The following ADAMTS12 variants were observed in gnomAD, a reference collection of about 807,000 sequenced individuals.
The protein encoded by ADAMTS12 is ADAM metallopeptidase with thrombospondin type 1 motif 12.
A neutral mutation model predicts 167.8 loss-of-function variants in ADAMTS12; 118 were observed. That is an observed-to-expected ratio of 0.70 (90% confidence interval 0.61 to 0.82). The LOEUF is 0.82. ADAMTS12 is among the 40% of genes least tolerant of loss of function. The pLI is 0.00. For synonymous variants in ADAMTS12, 704 were observed against 716.9 expected (o/e 0.98, Z 0.29); for missense variants, 1,916 against 1,998.8 (o/e 0.96, Z 0.79).
intron 2 of ADAMTS12, among the ~76,000 whole-genome samples, chr5:33,863,883 G>T (rs1425947815): frequency 2.0e-5 from 3 of 152,040 alleles, no homozygotes; most frequent in Non-Finnish European, 4.4e-5. Context: ...TGGAACAGAG[G>T]CCTCAGAAAT....
At chr5:33,700,991 C>T (rs1243226051) in intron 3 of ADAMTS12, among the ~76,000 whole-genome samples, 1 of 152,150 alleles carries the variant, frequency 6.6e-6, no homozygotes, top group African/African-American at 2.4e-5. Context: ...GACAGCCCTT[C>T]TGAACTCCAG....
chr5:33,872,437 C>T (rs1269786188), intron 2 of ADAMTS12, among the ~76,000 whole-genome samples: 1 of 151,842 alleles, frequency 6.6e-6, no homozygotes, highest in African/African-American at 2.4e-5. Flanking sequence ...GTCCCAGCTA[C>T]TGGGGAGGCT....
At chr5:33,655,874 T>A (rs1355930635) in intron 7 of ADAMTS12, among the ~76,000 whole-genome samples, 1 of 152,048 alleles carries the variant, frequency 6.6e-6, no homozygotes, top group African/African-American at 2.4e-5. Context: ...GTTCTCACTG[T>A]TCAACTCCCA....
chr5:33,535,173 C>G (rs1233522948), intron 22 of ADAMTS12, among the ~76,000 whole-genome samples, 181 bp from the exon 23 acceptor site: 4 of 152,208 alleles, frequency 2.6e-5, no homozygotes, highest in Non-Finnish European at 4.4e-5. Context: ...TAGAGAGACT[C>G]TATACTATAG....
At position 33,701,564 on chromosome 5, in the gene ADAMTS12, A is replaced by G. The variant is rs148828960; in HGVS notation, c.635-17509T>C. On this transcript the variant is annotated intron_variant, in intron 3 of 23. Transcript: ENST00000504830. The stretch of plus-strand genomic sequence containing the variant: ...AATACGAAGTTACTCAAATCCTAAC[A>G]TCTAGAATTACTGAGAAGTTCTCTT... Among the ~76,000 whole-genome samples the G allele has an allele frequency of 1.3e-3, 194 of 152,332 alleles. 1 individual carries two copies. Among genetic ancestry groups the G allele is most frequent in the African/African-American group, 4.5e-3 (186 of 41,582 alleles).
intron 23 of ADAMTS12, among the ~76,000 whole-genome samples, chr5:33,528,026 A>G (rs1191321297): frequency 2.0e-5 from 3 of 152,098 alleles, no homozygotes; most frequent in Admixed American, 6.6e-5. Context: ...GGGCCCGTCA[A>G]CCAATGAGTG....
chr5:33,709,236 C>A lies in ADAMTS12; in HGVS notation c.635-25181G>T, dbSNP rs1469038637. ...TGGTGAGGCTGTGGAGAAATAGGAA[C>A]CCTTTTACACTGTTGGTAGGAATGT... On this transcript the variant is annotated intron_variant, in intron 3 of 23. Transcript: ENST00000504830. Among the ~76,000 whole-genome samples the A allele has an allele frequency of 2.6e-5, 4 of 152,184 alleles. No homozygotes were observed. In the East Asian group the frequency reaches 7.7e-4, roughly 29 times the overall value.
chr5:33,724,402 G>T (rs1743902507), intron 3 of ADAMTS12, among the ~76,000 whole-genome samples: 1 of 151,874 alleles, frequency 6.6e-6, no homozygotes, highest in Admixed American at 6.6e-5. Flanking sequence ...AATAATACTG[G>T]AAACAGACAT....
chr5:33,889,590 T>C (rs573725465), intron 1 of ADAMTS12, among the ~76,000 whole-genome samples: 7 of 152,308 alleles, frequency 4.6e-5, no homozygotes, highest in Non-Finnish European at 5.9e-5. Context: ...AATTTCTCCT[T>C]TGCACCAAAT....
At chr5:33,592,785 A>AATAAATAAG (rs1400551513) in intron 17 of ADAMTS12, among the ~76,000 whole-genome samples, 1 of 152,226 alleles carries the variant, frequency 6.6e-6, no homozygotes, top group Non-Finnish European at 1.5e-5. Flanking sequence ...ATGATCCATA[A>AATAAATAAG]ATAAATAAGA....
rs199562864 is a variant in ADAMTS12 at position 33,849,327 on chromosome 5, ATATG to A, written c.489+31788_489+31791del. 5.5e-4 allele frequency among the ~76,000 whole-genome samples: 75 copies of A among 135,258 alleles called. 9 individuals are homozygous for A. The highest frequency in any genetic ancestry group is 2.5e-3 in the African/African-American group (75 of 30,094). The allele number at this position is 135,258 out of a possible 152,430, so 88.7% of individuals were successfully genotyped here. A position where few individuals can be genotyped will look rare whatever the true frequency, so the allele number is the denominator to read the frequency against. On this transcript the variant is annotated intron_variant, in intron 2 of 23. Transcript: ENST00000504830. ...ATATATGTATTGCATAGCTATATAT[ATATG>A]TATTGAATAGCAATATATATATGTA...
intron 5 of ADAMTS12, among the ~76,000 whole-genome samples, chr5:33,671,406 T>A (rs1182192657): frequency 2.6e-5 from 4 of 152,172 alleles, no homozygotes; most frequent in Non-Finnish European, 5.9e-5. Flanking sequence ...TTACACAAGA[T>A]GTTACCATTA....
At chr5:33,551,816 T>C (rs1745263292) in intron 20 of ADAMTS12, among the ~76,000 whole-genome samples, 1 of 152,226 alleles carries the variant, frequency 6.6e-6, no homozygotes, top group Non-Finnish European at 1.5e-5. Context: ...TCTGATTCTG[T>C]TAGCAAGAGG....
chr5:33,545,621 G>C (rs192324550), intron 22 of ADAMTS12, among the ~76,000 whole-genome samples: 25 of 152,218 alleles, frequency 1.6e-4, no homozygotes, highest in Admixed American at 1.4e-3. Flanking sequence ...CAAATGTCCA[G>C]CAATTATAGA....
At chr5:33,774,359 G>A (rs1037036122) in intron 2 of ADAMTS12, among the ~76,000 whole-genome samples, 1 of 152,048 alleles carries the variant, frequency 6.6e-6, no homozygotes, top group African/African-American at 2.4e-5. Flanking sequence ...GGCACCAAAT[G>A]TTTTGGGTTT....
intron 18 of ADAMTS12, among the ~76,000 whole-genome samples, chr5:33,588,127 G>T (rs1747447902): frequency 6.6e-6 from 1 of 152,166 alleles, no homozygotes; most frequent in Admixed American, 6.5e-5. Context: ...AGAAACCTTG[G>T]TCTGGTTTGG....
At chr5:33,535,429 A>T (rs1328513428) in intron 22 of ADAMTS12, among the ~76,000 whole-genome samples, 2 of 152,128 alleles carry the variant, frequency 1.3e-5, no homozygotes, top group African/African-American at 2.4e-5. Flanking sequence ...CCAGCCAGAG[A>T]TTCCATCTAA....
intron 22 of ADAMTS12, among the ~76,000 whole-genome samples, chr5:33,537,696 G>T (rs1744485746): frequency 6.6e-6 from 1 of 152,214 alleles, no homozygotes; most frequent in Non-Finnish European, 1.5e-5. Flanking sequence ...TGAATTCGGT[G>T]TTGAGTCCAG....
chr5:33,762,304 C>G (rs551461279), intron 2 of ADAMTS12, among the ~76,000 whole-genome samples: 2 of 151,846 alleles, frequency 1.3e-5, no homozygotes, highest in African/African-American at 2.4e-5. Context: ...GTCAGGAGAT[C>G]GAGACCATCC....
Sources: gnomAD v4.1 joint callset for allele counts (sites outside exome capture counted in the v4.1 genomes callset) on GRCh38, gnomAD v4.1.1 for gene constraint, MANE v1.5 for transcripts, NCBI Gene and HGNC (gene_info 2026-07-23, HGNC 2026-07-21) for gene names.